CACNA1E: variants seen among roughly 807,000 people sequenced by gnomAD.
The protein encoded by CACNA1E is voltage-dependent R-type calcium channel subunit alpha-1E.
A neutral mutation model predicts 259.2 loss-of-function variants in CACNA1E; 40 were observed. The observed-to-expected ratio is 0.15, with a 90% CI of 0.12 to 0.20. The LOEUF (loss-of-function observed/expected upper bound fraction) is 0.20, where lower values mean the gene tolerates loss of function less well. Ranked by LOEUF, CACNA1E falls within the 10% of genes least tolerant of loss-of-function variation. CACNA1E has a pLI of 1.00. For synonymous variants in CACNA1E, 1,104 were observed against 1,138.5 expected (o/e 0.97, Z 0.61); for missense variants, 1,874 against 3,040.1 (o/e 0.62, Z 9.02).
At chr1:181,339,176 TG>T (rs757584568) in intron 1 of CACNA1E, among the ~76,000 whole-genome samples, 26 of 152,316 alleles carry the variant, frequency 1.7e-4, no homozygotes, top group South Asian at 8.3e-4. Flanking sequence ...ATTTTAGAAT[TG>T]TTTTTTTATT....
intron 1 of CACNA1E, among the ~76,000 whole-genome samples, chr1:181,336,448 C>T (rs953278080): frequency 6.6e-6 from 1 of 152,192 alleles, no homozygotes; most frequent in Non-Finnish European, 1.5e-5. Flanking sequence ...TCTCAGGTGA[C>T]ATAGCTGTTA....
Position 181,402,060 on chromosome 1 carries a change from C to T in CACNA1E, c.-14-11073C>T, listed in dbSNP as rs184321169. 6.8e-4 allele frequency among the ~76,000 whole-genome samples: 103 copies of T among 152,216 alleles called. 1 individual carries two copies. The highest frequency in any genetic ancestry group is 1.8e-3 in the African/African-American group (74 of 41,520). On this transcript the variant is annotated intron_variant, in intron 1 of 11. Transcript: ENST00000524607. ...GATGGCCCAGACATTCTCTCACTCC[C>T]GTTTTGTATCATTACATATTTTCAA... is the stretch of plus-strand genomic sequence containing the variant.
At position 181,583,103 on chromosome 1, in the gene CACNA1E, TACACACACACACACACACACAC is replaced by T. The variant is rs34193608; in HGVS notation, c.951+2348_951+2369del. ...GTCTGCTACCTGTTTGGACTGTTCC[TACACACACACACACACACACAC>T]ACACACACACACACACACACTTATA... On this transcript the variant is annotated intron_variant, in intron 6 of 47. Transcript: ENST00000367573. 6.2e-5 allele frequency among the ~76,000 whole-genome samples: 9 copies of T among 145,090 alleles called. No homozygotes were observed. The South Asian group carries it at 1.4e-3, about 22-fold the overall frequency.
chr1:181,598,240 G>A (rs1653393273), intron 6 of CACNA1E, among the ~76,000 whole-genome samples: 1 of 152,206 alleles, frequency 6.6e-6, no homozygotes, highest in Non-Finnish European at 1.5e-5. Context: ...TTAGGCATTG[G>A]ATGGTGGAAG....
chr1:181,399,101 G>A (rs1157105126), intron 1 of CACNA1E, among the ~76,000 whole-genome samples: 1 of 152,054 alleles, frequency 6.6e-6, no homozygotes, highest in Non-Finnish European at 1.5e-5. Flanking sequence ...TCCCAGTATT[G>A]TGACCTTTCC....
intron 3 of CACNA1E, among the ~76,000 whole-genome samples, chr1:181,522,189 C>T (rs1667041178): frequency 6.6e-6 from 1 of 152,210 alleles, no homozygotes; most frequent in Non-Finnish European, 1.5e-5. Context: ...CTCCTTCCAA[C>T]ATCAGCCCTC....
At chr1:181,423,745 C>T (rs995223932) in intron 2 of CACNA1E, among the ~76,000 whole-genome samples, 15 of 149,936 alleles carry the variant, frequency 1.0e-4, no homozygotes, top group Admixed American at 8.7e-4. Flanking sequence ...CCTCAGTCCA[C>T]ATGCTGCCAC....
intron 40 of CACNA1E, 56 bp downstream of exon 40, chr1:181,783,840 A>G: frequency 9.2e-7 from 1 of 1,091,122 alleles, no homozygotes; most frequent in Non-Finnish European, 1.4e-6. Flanking sequence ...CAACTCATGC[A>G]GGTGGCACAG....
upstream of CACNA1E, among the ~76,000 whole-genome samples, chr1:181,481,524 C>G (rs530108125): frequency 6.6e-6 from 1 of 152,402 alleles, no homozygotes; most frequent in South Asian, 2.1e-4. Context: ...TGAAGCCATA[C>G]TCACCCATGG....
chr1:181,463,511 A>G (rs1661955520), intron 2 of CACNA1E, among the ~76,000 whole-genome samples: 1 of 152,162 alleles, frequency 6.6e-6, no homozygotes, highest in Admixed American at 6.5e-5. Flanking sequence ...TGCCAATCTG[A>G]TGGGTGTGAA....
chr1:181,726,006 A>G, intron 17 of CACNA1E, 59 bp from the exon 18 acceptor site: 2 of 1,178,844 alleles, frequency 1.7e-6, no homozygotes, highest in Admixed American at 1.9e-5. Flanking sequence ...AGAGCAGCCA[A>G]GGGAAGCTAC....
At chr1:181,512,940 G>A (rs1478558562) in intron 3 of CACNA1E, among the ~76,000 whole-genome samples, 1 of 152,184 alleles carries the variant, frequency 6.6e-6, no homozygotes, top group Non-Finnish European at 1.5e-5. Context: ...AATAATATGT[G>A]CTGTATTAGA....
intron 6 of CACNA1E, among the ~76,000 whole-genome samples, chr1:181,649,544 A>G (rs548756925): frequency 6.6e-6 from 1 of 152,240 alleles, no homozygotes; most frequent in Non-Finnish European, 1.5e-5. Flanking sequence ...TTATAAAAAC[A>G]CATGCATGCA....
chr1:181,614,465 A>T lies in CACNA1E; in HGVS notation c.951+33689A>T, dbSNP rs542045981. On this transcript the variant is annotated intron_variant, in intron 6 of 47. Transcript: ENST00000367573. ...GAAAACTATGCAAGAACCATGAGAG[A>T]TCACTTTTTACTACAGCATGCAATT... 5.6e-4 allele frequency among the ~76,000 whole-genome samples: 85 copies of T among 152,236 alleles called. 1 individual carries two copies. The highest frequency in any genetic ancestry group is 7.5e-4 in the Non-Finnish European group (51 of 68,044).
At chr1:181,717,359 ATG>A in intron 11 of CACNA1E, 57 bp downstream of exon 11, 1 of 1,438,544 alleles carries the variant, frequency 7.0e-7, no homozygotes, top group Non-Finnish European at 9.8e-7. Context: ...GGGCAGCTTG[ATG>A]TGTGTGTGAA....
intron 1 of CACNA1E, among the ~76,000 whole-genome samples, chr1:181,493,920 C>T (rs776232086): frequency 3.9e-5 from 6 of 152,234 alleles, no homozygotes; most frequent in Non-Finnish European, 5.9e-5. Context: ...CTGCACATTG[C>T]GCCAGCTTTC....
At chr1:181,461,181 C>G (rs913489505) in intron 2 of CACNA1E, among the ~76,000 whole-genome samples, 3 of 152,138 alleles carry the variant, frequency 2.0e-5, no homozygotes, top group African/African-American at 7.2e-5. Context: ...TGAGCCCTTT[C>G]TTTTGAGAGG....
intron 24 of CACNA1E, 144 bp downstream of exon 24, chr1:181,738,570 C>G: frequency 1.4e-6 from 1 of 717,486 alleles, no homozygotes; most frequent in Non-Finnish European, 2.5e-6. Flanking sequence ...TCTCTGGCCT[C>G]AGAATCCTGA....
chr1:181,434,319 G>C (rs953394149), intron 2 of CACNA1E, among the ~76,000 whole-genome samples: 2 of 151,910 alleles, frequency 1.3e-5, no homozygotes, highest in Non-Finnish European at 2.9e-5. Context: ...CACTTAAGTG[G>C]CTTAATTTTT....
Sources: allele counts gnomAD v4.1 joint callset (sites outside exome capture counted in the v4.1 genomes callset), GRCh38; gene constraint gnomAD v4.1.1; transcripts MANE v1.5; gene names NCBI Gene and HGNC (gene_info 2026-07-23, HGNC 2026-07-21).